Variants in JAKMIP3 observed in about 807,000 individuals in gnomAD.
JAKMIP3 encodes janus kinase and microtubule-interacting protein 3.
JAKMIP3 carries 58 observed loss-of-function variants against 118.5 expected under a neutral mutation model. The ratio of observed to expected loss-of-function variants is 0.49; its 90% CI spans 0.40 to 0.61. The LOEUF is 0.61. JAKMIP3 is among the 20% of genes least tolerant of loss of function. The pLI is 0.00. For synonymous variants in JAKMIP3, 486 were observed against 451.2 expected (o/e 1.08, Z -0.98); for missense variants, 950 against 1,109.0 (o/e 0.86, Z 2.04).
At chr10:132,088,917 T>G (rs546731346) in intron 1 of JAKMIP3, among the ~76,000 whole-genome samples, 3 of 152,238 alleles carry the variant, frequency 2.0e-5, no homozygotes, top group Non-Finnish European at 4.4e-5. Flanking sequence ...GTTTCAGCTT[T>G]CCACATATGG....
intron 16 of JAKMIP3, among the ~76,000 whole-genome samples, chr10:132,152,398 C>T (rs1257085639): frequency 1.3e-5 from 2 of 152,216 alleles, no homozygotes; most frequent in African/African-American, 2.4e-5. Context: ...GAGGTGCCCA[C>T]ATCGAAAGCC....
chr10:132,050,127 C>T (rs1413631249), intron 1 of JAKMIP3, among the ~76,000 whole-genome samples: 6 of 152,154 alleles, frequency 3.9e-5, no homozygotes, highest in South Asian at 2.1e-4. Context: ...CTTTTCTCCC[C>T]GGAAGTTCTG....
At chr10:132,094,433 T>C (rs899512708) in intron 1 of JAKMIP3, among the ~76,000 whole-genome samples, 2 of 151,980 alleles carry the variant, frequency 1.3e-5, no homozygotes, top group Admixed American at 6.5e-5. Context: ...GCTCAGATTC[T>C]TTTGTCCCAT....
At chr10:132,099,051 G>A (rs1227537969) in intron 1 of JAKMIP3, among the ~76,000 whole-genome samples, 1 of 152,138 alleles carries the variant, frequency 6.6e-6, no homozygotes, top group African/African-American at 2.4e-5. Context: ...CCCACCCCAG[G>A]ATGCCCCCGA....
intron 23 of JAKMIP3, among the ~76,000 whole-genome samples, chr10:132,180,382 G>T: frequency 6.8e-6 from 1 of 146,122 alleles, no homozygotes. Context: ...CAGTTTGGAT[G>T]AGGTCCTCAG....
At chr10:132,126,518 G>A (rs2049580317) in intron 3 of JAKMIP3, among the ~76,000 whole-genome samples, 1 of 143,406 alleles carries the variant, frequency 7.0e-6, no homozygotes, top group Non-Finnish European at 1.5e-5. Context: ...GCCCAGGCTG[G>A]TCGTGAACTC....
chr10:132,124,770 G>A (rs894743409), intron 3 of JAKMIP3, among the ~76,000 whole-genome samples: 1 of 152,232 alleles, frequency 6.6e-6, no homozygotes, highest in African/African-American at 2.4e-5. Context: ...GGCGACGAGG[G>A]GAATCGCAGT....
rs367704696 is a variant in JAKMIP3 at position 132,145,589 on chromosome 10, C to T, written c.1749+9C>T. The T allele has an allele frequency of 5.0e-5, 78 of 1,558,722 alleles. No homozygotes were observed. The Middle Eastern group carries it at 5.4e-4, about 11-fold the overall frequency. ...AAGAGCTTGTGGAAAAGGTGAGCCCCGAACCCCTGGAGGCCCTGGCAGGAC... is the reference window on the plus strand; with the variant it reads ...AAGAGCTTGTGGAAAAGGTGAGCCCTGAACCCCTGGAGGCCCTGGCAGGAC... On this transcript the variant is annotated intron_variant, in intron 13 of 23. Coordinates refer to ENST00000684848, the MANE Select transcript of JAKMIP3 (RefSeq NM_001323087.2).
Position 132,168,417 on chromosome 10 carries a change from G to A in JAKMIP3, c.*487G>A. ...GATGACAAGATGAAAGCTGGACGGT[G>A]ACCTTCATTCAGGGGAACCTGGAGG... On this transcript the variant is annotated 3_prime_UTR_variant, in exon 23 of 24. Coordinates refer to ENST00000684848, the MANE Select transcript of JAKMIP3 (RefSeq NM_001323087.2). 1 of 1,288,612 alleles carries A rather than the reference G, an allele frequency of 7.8e-7. No individual in the cohort carries two copies. The highest frequency in any genetic ancestry group is 1.0e-6 in the Non-Finnish European group (1 of 988,130). 79.8% of individuals were successfully genotyped at this position (1,288,612 alleles called of 1,614,324 possible). A position where few individuals can be genotyped will look rare whatever the true frequency, so the allele number is the denominator to read the frequency against.
At chr10:132,105,037 C>A in intron 2 of JAKMIP3, 94 bp downstream of exon 2, 1 of 1,389,026 alleles carries the variant, frequency 7.2e-7, no homozygotes, top group Non-Finnish European at 9.9e-7. Context: ...TGGCCAGATC[C>A]CTGTGGAAAC....
rs142033163 is a variant in JAKMIP3, at chr10:132,105,367, G to A, written c.135+424G>A. Reference sequence around the variant, plus strand: ...GAATAAAGGAAAAGGATGGGCCATCGGTTTAGAGCTTCCAGATTTGGAGGA... The same window carrying A: ...GAATAAAGGAAAAGGATGGGCCATCAGTTTAGAGCTTCCAGATTTGGAGGA... On this transcript the variant is annotated intron_variant, in intron 2 of 23. Coordinates refer to ENST00000684848, the MANE Select transcript of JAKMIP3 (RefSeq NM_001323087.2). Among the ~76,000 whole-genome samples, 64 of 152,366 alleles carry A rather than the reference G, an allele frequency of 4.2e-4. 1 individual carries two copies. The highest frequency in any genetic ancestry group is 2.9e-4 in the Non-Finnish European group (20 of 68,032).
chr10:132,060,045 C>G (rs372648743), upstream of JAKMIP3, among the ~76,000 whole-genome samples: 1 of 152,182 alleles, frequency 6.6e-6, no homozygotes, highest in African/African-American at 2.4e-5. Context: ...GGAGATAAAA[C>G]ATTGCTGAAG....
intron 1 of JAKMIP3, among the ~76,000 whole-genome samples, chr10:132,047,967 T>G (rs939482262): frequency 6.6e-6 from 1 of 152,226 alleles, no homozygotes; most frequent in Non-Finnish European, 1.5e-5. Context: ...GCGCCGCCTG[T>G]GTCTTTCCTT....
chr10:132,180,784 C>CGTGTGTGTGTGCAT lies in JAKMIP3; in HGVS notation c.*1104-1572_*1104-1571insTGTGTGTGTGCATG, dbSNP rs747427248. On this transcript the variant is annotated intron_variant, in intron 23 of 23. Transcript: ENST00000684848. ...GCGTGTGTGTGCGTGTGTGTGTGTG[C>CGTGTGTGTGTGCAT]GCGTATGCATGTGCTGTGAGTGGTG... 3.2e-3 allele frequency among the ~76,000 whole-genome samples: 174 copies of CGTGTGTGTGTGCAT among 54,822 alleles called. 58 individuals carry two copies. Among genetic ancestry groups the CGTGTGTGTGTGCAT allele is most frequent in the Middle Eastern group, 0.011 (1 of 92 alleles). 36.0% of individuals were successfully genotyped at this position (54,822 alleles called of 152,430 possible). A position where few individuals can be genotyped will look rare whatever the true frequency, so the allele number is the denominator to read the frequency against.
chr10:132,068,644 G>A lies in JAKMIP3; in HGVS notation c.-138+2583G>A, dbSNP rs569736496. On this transcript the variant is annotated intron_variant, in intron 1 of 23. Coordinates refer to ENST00000684848, the MANE Select transcript of JAKMIP3 (RefSeq NM_001323087.2). The stretch of plus-strand genomic sequence containing the variant: ...CTCCTGTCCTGCACCTTAGCCCCAG[G>A]AGCTGCCTGGGCCTGCTTTCTTTGC... Among the ~76,000 whole-genome samples, 38 of 152,300 alleles carry A rather than the reference G, an allele frequency of 2.5e-4. 1 individual carries two copies. The highest frequency in any genetic ancestry group is 9.1e-4 in the African/African-American group (38 of 41,572).
At chr10:132,180,744 T>TGTGTGTGTGC (rs2061210973) in intron 23 of JAKMIP3, among the ~76,000 whole-genome samples, 1 of 21,942 alleles carries the variant, frequency 4.6e-5, no homozygotes, top group African/African-American at 3.6e-4. Context: ...TGTGCGTGCG[T>TGTGTGTGTGC]GCGCGCGCGT....
chr10:132,091,569 G>A (rs2043092973), intron 1 of JAKMIP3, among the ~76,000 whole-genome samples: 2 of 152,124 alleles, frequency 1.3e-5, no homozygotes, highest in South Asian at 4.2e-4. Context: ...TTTAAAGTCT[G>A]TTTTATCAGA....
intron 3 of JAKMIP3, among the ~76,000 whole-genome samples, chr10:132,130,608 G>A (rs1451482054): frequency 2.0e-5 from 3 of 152,190 alleles, no homozygotes; most frequent in Non-Finnish European, 2.9e-5. Flanking sequence ...AGACCTGCTC[G>A]GGGGTTGCAG....
intron 3 of JAKMIP3, among the ~76,000 whole-genome samples, chr10:132,130,652 T>G (rs1474616322): frequency 6.6e-6 from 1 of 152,208 alleles, no homozygotes; most frequent in Non-Finnish European, 1.5e-5. Context: ...GTCACCTGTC[T>G]GTGGCACTGA....
Sources: gnomAD v4.1 joint callset for allele counts (sites outside exome capture counted in the v4.1 genomes callset) on GRCh38, gnomAD v4.1.1 for gene constraint, MANE v1.5 for transcripts, NCBI Gene and HGNC (gene_info 2026-07-23, HGNC 2026-07-21) for gene names.